C10orf90: variants seen among roughly 807,000 people sequenced by gnomAD.
C10orf90 encodes the protein chromosome 10 open reading frame 90.
C10orf90 carries 56 observed loss-of-function variants against 62.5 expected under a neutral mutation model. The observed-to-expected ratio is 0.90, with a 90% CI of 0.72 to 1.12. The LOEUF is 1.12. Among genes scored for constraint, C10orf90 ranks in the 50% most tolerant of loss-of-function variants. The pLI is 0.00. For synonymous variants in C10orf90, 386 were observed against 340.4 expected (o/e 1.13, Z -1.47); for missense variants, 970 against 880.4 (o/e 1.10, Z -1.29).
chr10:126,603,773 A>G (rs1249611750), intron 2 of C10orf90, among the ~76,000 whole-genome samples: 2 of 152,164 alleles, frequency 1.3e-5, no homozygotes, highest in Non-Finnish European at 2.9e-5. Context: ...AAGGGTTCTT[A>G]TATACCTCCC....
At position 126,459,801 on chromosome 10, in the gene C10orf90, T is replaced by A. The variant is rs117785900; in HGVS notation, c.2011-584A>T. Among the ~76,000 whole-genome samples the A allele has an allele frequency of 9.9e-5, 15 of 152,186 alleles. No homozygotes were observed. The East Asian group carries it at 2.5e-3, about 26-fold the overall frequency. ...AAAGTTCTGTGAGCTCCACAAACCA[T>A]GTCAGAAGTCCCTATGTCTCCACTC... On this transcript the variant is annotated intron_variant, in intron 6 of 9. Transcript: ENST00000488181.
intron 7 of C10orf90, among the ~76,000 whole-genome samples, chr10:126,435,834 C>T (rs1857881213): frequency 6.6e-6 from 1 of 152,032 alleles, no homozygotes; most frequent in South Asian, 2.1e-4. Context: ...GTCTGCCTGG[C>T]CAACTCTCTC....
chr10:126,555,572 G>A (rs555567074), intron 2 of C10orf90, among the ~76,000 whole-genome samples: 7 of 151,824 alleles, frequency 4.6e-5, no homozygotes, highest in African/African-American at 1.7e-4. Flanking sequence ...CCAGCTACTC[G>A]GGAGGCTGAG....
chr10:126,665,614 T>TC (rs1483628366), intron 1 of C10orf90, among the ~76,000 whole-genome samples: 1 of 152,008 alleles, frequency 6.6e-6, no homozygotes, highest in Admixed American at 6.5e-5. Flanking sequence ...AACAATGATT[T>TC]CCAGATATTG....
chr10:126,615,053 C>T (rs898734536), intron 2 of C10orf90, among the ~76,000 whole-genome samples: 3 of 152,154 alleles, frequency 2.0e-5, no homozygotes, highest in South Asian at 2.1e-4. Context: ...CCTGGGTCCT[C>T]GGCTGGGATG....
chr10:126,642,388 C>T (rs375410620), intron 2 of C10orf90, among the ~76,000 whole-genome samples: 24 of 152,128 alleles, frequency 1.6e-4, no homozygotes, highest in East Asian at 1.2e-3. Context: ...AAAAATTAGC[C>T]GGGCGTGGTG....
chr10:126,524,683 G>A (rs1051883488), intron 2 of C10orf90: 1 of 986,274 alleles, frequency 1.0e-6, no homozygotes, highest in South Asian at 4.7e-5. Context: ...AGCCATGTCA[G>A]CTCCTCCTCT....
chr10:126,501,239 G>A (rs1285139722), intron 4 of C10orf90, among the ~76,000 whole-genome samples: 2 of 152,242 alleles, frequency 1.3e-5, no homozygotes, highest in Admixed American at 6.5e-5. Flanking sequence ...TGTGCAGGCT[G>A]TGCAAGGACA....
chr10:126,437,465 T>C lies in C10orf90; in HGVS notation c.2189-7615A>G, dbSNP rs1590892359. Among the ~76,000 whole-genome samples the C allele has an allele frequency of 3.3e-5, 5 of 152,256 alleles. No individual in the cohort carries two copies. The South Asian group carries it at 1.0e-3, about 32-fold the overall frequency. ...TTTCTGGGTGATTCTGACCCCTGCTTGGGTTTGAGGACCGCTGTTACCTTG... is the reference window on the plus strand; with the variant it reads ...TTTCTGGGTGATTCTGACCCCTGCTCGGGTTTGAGGACCGCTGTTACCTTG... On this transcript the variant is annotated intron_variant, in intron 7 of 9. Coordinates refer to ENST00000488181, the MANE Select transcript of C10orf90 (RefSeq NM_001350921.2).
chr10:126,575,160 G>A (rs57122816), intron 2 of C10orf90, among the ~76,000 whole-genome samples: 3,510 of 152,042 alleles, frequency 0.023, 140 homozygotes, highest in African/African-American at 0.079. Flanking sequence ...GAGCAATTCG[G>A]CAAGAAAAAT....
intron 2 of C10orf90, chr10:126,521,578 T>A: frequency 2.7e-6 from 2 of 737,230 alleles, no homozygotes; most frequent in Non-Finnish European, 3.9e-6. Flanking sequence ...TTAGCAGCAA[T>A]CGTCTCTTTG....
chr10:126,482,192 C>T (rs142643226), intron 4 of C10orf90, among the ~76,000 whole-genome samples: 77 of 152,320 alleles, frequency 5.1e-4, no homozygotes, highest in African/African-American at 1.7e-3. Context: ...ATGTGCTATG[C>T]TTTTGTCTTG....
At chr10:126,522,840 G>A (rs1248330191) in intron 2 of C10orf90, 1 of 152,196 alleles carries the variant, frequency 6.6e-6, no homozygotes, top group Non-Finnish European at 1.5e-5. Flanking sequence ...GGTCCAGGTT[G>A]ACTCTTGGTG....
At chr10:126,617,715 G>T (rs1203925346) in intron 2 of C10orf90, among the ~76,000 whole-genome samples, 2 of 152,210 alleles carry the variant, frequency 1.3e-5, no homozygotes, top group Admixed American at 1.3e-4. Context: ...GTCCTTGTCT[G>T]TGTCCTGGTC....
At chr10:126,444,161 G>A (rs1858584765) in intron 7 of C10orf90, among the ~76,000 whole-genome samples, 1 of 152,100 alleles carries the variant, frequency 6.6e-6, no homozygotes, top group African/African-American at 2.4e-5. Flanking sequence ...AGTACTGGAA[G>A]TCCTAGCCAG....
intron 2 of C10orf90, among the ~76,000 whole-genome samples, chr10:126,579,923 A>C (rs538093917): frequency 2.0e-5 from 3 of 152,162 alleles, no homozygotes; most frequent in Admixed American, 6.5e-5. Flanking sequence ...CGAAATCATC[A>C]ATCTTTTATA....
At chr10:126,515,496 A>G (rs1863390104) in intron 2 of C10orf90, among the ~76,000 whole-genome samples, 1 of 152,340 alleles carries the variant, frequency 6.6e-6, no homozygotes, top group South Asian at 2.1e-4. Context: ...AATTGCCTAC[A>G]GTATTCAGCA....
intron 7 of C10orf90, among the ~76,000 whole-genome samples, chr10:126,441,056 G>T (rs978192782): frequency 6.6e-6 from 1 of 152,110 alleles, no homozygotes; most frequent in Non-Finnish European, 1.5e-5. Flanking sequence ...TCTGAAAAAA[G>T]AATTCAGGAG....
chr10:126,456,205 A>G lies in C10orf90; in HGVS notation c.2188+2835T>C, dbSNP rs1259206898. ...GATGTGTACTGCAGACTTGTTTAATAGGGCCTTAAACATTTCTTCTCACTT... is the reference window on the plus strand; with the variant it reads ...GATGTGTACTGCAGACTTGTTTAATGGGGCCTTAAACATTTCTTCTCACTT... On this transcript the variant is annotated intron_variant, in intron 7 of 9. Transcript: ENST00000488181. The surrounding 1 kb of genome is among the most constrained non-coding windows in gnomAD (Gnocchi z 4.9). Among the ~76,000 whole-genome samples the G allele has an allele frequency of 6.6e-6, 1 of 152,242 alleles. No individual in the cohort carries two copies. Among genetic ancestry groups the G allele is most frequent in the Non-Finnish European group, 1.5e-5 (1 of 68,046 alleles).
Sources: allele counts gnomAD v4.1 joint callset (sites outside exome capture counted in the v4.1 genomes callset), GRCh38; gene constraint gnomAD v4.1.1; non-coding constraint Gnocchi (gnomAD v3.1); transcripts MANE v1.5; gene names NCBI Gene and HGNC (gene_info 2026-07-23, HGNC 2026-07-21).